The following WDR64 variants were observed in gnomAD, a reference collection of about 807,000 sequenced individuals.
WDR64 encodes the protein WD repeat-containing protein 64.
In WDR64, 112 loss-of-function variants were observed where a neutral mutation model predicts 139.3. The observed-to-expected ratio is 0.80, with a 90% confidence interval of 0.69 to 0.94. The LOEUF (loss-of-function observed/expected upper bound fraction) is 0.94. WDR64 is among the 40% of genes least tolerant of loss of function. The probability of loss-of-function intolerance (pLI) is 0.00; values close to 1 mark genes in which losing one functional copy is unlikely to be tolerated. For missense variants in WDR64, 1,206 were observed against 1,293.1 expected (o/e 0.93, Z 1.03); for synonymous variants, 444 against 437.7 (o/e 1.01, Z -0.18).
intron 15 of WDR64, among the ~76,000 whole-genome samples, chr1:241,759,902 C>A (rs1670359116): frequency 1.3e-5 from 2 of 152,194 alleles, no homozygotes; most frequent in African/African-American, 4.8e-5. Flanking sequence ...CAGCTCCTGG[C>A]AACCAGCATT....
At chr1:241,755,736 A>G (rs12082827) in intron 14 of WDR64, among the ~76,000 whole-genome samples, 22,788 of 152,154 alleles carry the variant, frequency 0.15, 1,896 homozygotes, top group African/African-American at 0.19. Flanking sequence ...TAATTTTTGT[A>G]TAAGGTGTAA....
intron 7 of WDR64, among the ~76,000 whole-genome samples, chr1:241,684,869 T>C (rs1666948722): frequency 6.6e-6 from 1 of 152,156 alleles, no homozygotes; most frequent in South Asian, 2.1e-4. Flanking sequence ...GCGATTCTCC[T>C]GCCTCAGCCT....
chr1:241,764,100 G>A (rs1036334332), intron 15 of WDR64, among the ~76,000 whole-genome samples: 1 of 152,182 alleles, frequency 6.6e-6, no homozygotes, highest in Non-Finnish European at 1.5e-5. Context: ...AAGTATCTCA[G>A]TGTGGCTGGA....
intron 20 of WDR64, among the ~76,000 whole-genome samples, chr1:241,774,681 A>G (rs2148306606): frequency 6.6e-6 from 1 of 152,318 alleles, no homozygotes; most frequent in Middle Eastern, 3.4e-3. Context: ...CATACACTTA[A>G]AAGTGTGTCT....
intron 21 of WDR64, 121 bp downstream of exon 21, chr1:241,775,331 C>A: frequency 1.4e-6 from 1 of 694,736 alleles, no homozygotes; most frequent in Non-Finnish European, 2.3e-6. Flanking sequence ...GAGGTATGCT[C>A]AAGCCTGAGA....
intron 13 of WDR64, among the ~76,000 whole-genome samples, chr1:241,747,178 A>AGC (rs1346997687): frequency 6.6e-6 from 1 of 152,192 alleles, no homozygotes; most frequent in Non-Finnish European, 1.5e-5. Flanking sequence ...GGTGACTATG[A>AGC]AGGTTAGCAC....
At chr1:241,689,934 C>A (rs890257327) in intron 8 of WDR64, among the ~76,000 whole-genome samples, 1 of 151,248 alleles carries the variant, frequency 6.6e-6, no homozygotes, top group African/African-American at 2.4e-5. Flanking sequence ...ACAAAAAAAA[C>A]CATAGGATAT....
At chr1:241,709,284 T>C (rs1232017552) in intron 8 of WDR64, among the ~76,000 whole-genome samples, 1 of 152,182 alleles carries the variant, frequency 6.6e-6, no homozygotes, top group East Asian at 1.9e-4. Context: ...TTTGTTTAAT[T>C]TGCATCCATT....
At chr1:241,794,969 T>A (rs1347617264) in intron 25 of WDR64, among the ~76,000 whole-genome samples, 2 of 152,206 alleles carry the variant, frequency 1.3e-5, no homozygotes, top group Non-Finnish European at 2.9e-5. Context: ...ATTCACCTCT[T>A]CTGTTAATTT....
Position 241,795,150 on chromosome 1 carries a change from T to C in WDR64, c.2998-57T>C, listed in dbSNP as rs576185511. 2.3e-4 allele frequency: 349 copies of C among 1,503,166 alleles called. 1 individual carries two copies. Among genetic ancestry groups the C allele is most frequent in the Non-Finnish European group, 3.1e-4 (342 of 1,088,398 alleles). 93.1% of individuals were successfully genotyped at this position (1,503,166 alleles called of 1,614,324 possible). ...CAGAGTCAGGATTTGAACCCAGGTATTTTACCAGTGATAGGATGTGCCCCT... is the reference window on the plus strand; with the variant it reads ...CAGAGTCAGGATTTGAACCCAGGTACTTTACCAGTGATAGGATGTGCCCCT... On this transcript the variant is annotated intron_variant, in intron 25 of 27. Transcript: ENST00000437684.
At chr1:241,749,855 C>T in intron 14 of WDR64, 133 bp downstream of exon 14, 1 of 1,009,580 alleles carries the variant, frequency 9.9e-7, no homozygotes, top group Non-Finnish European at 1.4e-6. Context: ...TCAGCCTTCC[C>T]GTGATGCTCC....
chr1:241,769,643 G>C (rs1658342936), intron 17 of WDR64, 138 bp downstream of exon 17: 1 of 756,574 alleles, frequency 1.3e-6, no homozygotes, highest in East Asian at 2.7e-5. Flanking sequence ...TTAAAGAAGG[G>C]ACCACTGAAA....
chr1:241,773,073 T>G (rs1448669187), intron 20 of WDR64, 142 bp downstream of exon 20: 10 of 1,093,018 alleles, frequency 9.1e-6, no homozygotes, highest in Non-Finnish European at 1.3e-5. Flanking sequence ...TCTTGCAGCC[T>G]GTTTATTGAT....
At chr1:241,706,361 C>T (rs1050384440) in intron 8 of WDR64, among the ~76,000 whole-genome samples, 13 of 152,184 alleles carry the variant, frequency 8.5e-5, no homozygotes, top group Non-Finnish European at 1.6e-4. Context: ...GCTGTTGGGG[C>T]GAGGTGACAA....
intron 7 of WDR64, 68 bp downstream of exon 7, chr1:241,683,769 T>G: frequency 8.0e-7 from 1 of 1,242,788 alleles, no homozygotes; most frequent in South Asian, 1.9e-5. Flanking sequence ...AGCTTTATGG[T>G]ACAAAGTGAA....
intron 10 of WDR64, among the ~76,000 whole-genome samples, chr1:241,729,353 G>T (rs1320418448): frequency 3.3e-5 from 5 of 152,138 alleles, no homozygotes; most frequent in Non-Finnish European, 1.5e-5. Context: ...ATATTGTACT[G>T]CCATGTTGAT....
chr1:241,771,289 C>T (rs969039463), intron 18 of WDR64, among the ~76,000 whole-genome samples: 2 of 152,112 alleles, frequency 1.3e-5, no homozygotes, highest in Non-Finnish European at 2.9e-5. Context: ...ATCTGATTAG[C>T]TTTAGAGCTG....
chr1:241,725,302 G>T (rs1010723011), intron 10 of WDR64, among the ~76,000 whole-genome samples: 1 of 151,088 alleles, frequency 6.6e-6, no homozygotes, highest in Admixed American at 6.6e-5. Flanking sequence ...ATTTAAGAAG[G>T]AAAAAAGAAA....
chr1:241,655,320 C>T (rs939409471), intron 1 of WDR64, among the ~76,000 whole-genome samples: 2 of 152,076 alleles, frequency 1.3e-5, no homozygotes, highest in Non-Finnish European at 1.5e-5. Context: ...ACCCGGGAGG[C>T]AGAGGTTGCA....
Sources: gnomAD v4.1 joint callset for allele counts (sites outside exome capture counted in the v4.1 genomes callset) on GRCh38, gnomAD v4.1.1 for gene constraint, MANE v1.5 for transcripts, NCBI Gene and HGNC (gene_info 2026-07-23, HGNC 2026-07-21) for gene names.